The following STRADB variants were observed in gnomAD, a reference collection of about 807,000 sequenced individuals.
STRADB encodes STE20 related adaptor beta, also known as STE20-related kinase adapter protein beta.
A neutral mutation model predicts 52.1 loss-of-function variants in STRADB; 34 were observed. The observed-to-expected ratio is 0.65, with a 90% CI of 0.50 to 0.87. The LOEUF (loss-of-function observed/expected upper bound fraction) is 0.87. Ranked by LOEUF, STRADB falls within the 40% of genes least tolerant of loss-of-function variation. The pLI, the probability that STRADB is intolerant of heterozygous loss-of-function variation, is 0.00. For missense variants in STRADB, 340 were observed against 483.9 expected, an observed-to-expected ratio of 0.70 and a Z score of 2.79; for synonymous variants, 133 against 174.5, an observed-to-expected ratio of 0.76 and a Z score of 1.87.
Position 201,475,620 on chromosome 2 carries a change from T to G in STRADB, c.426T>G (p.Gly142=). The G allele has an allele frequency of 6.2e-7, 1 of 1,611,844 alleles. No individual in the cohort carries two copies. Among genetic ancestry groups the G allele is most frequent in the South Asian group, 1.1e-5 (1 of 90,948 alleles). The change falls in exon 7 of 12, where the codon GGT becomes GGG. Residue 142 remains glycine, a splice_region_variant and synonymous_variant. Coordinates refer to ENST00000194530, the MANE Select transcript of STRADB (RefSeq NM_018571.6). ...LWVISPFMAY[G]SASQLLRTYF... ...AAGGATTTTAGGGGTTTCTTTCAGG[T>G]TCAGCAAGTCAACTCTTGAGGACCT...
chr2:201,479,986 T>C (rs763030904), intron 11 of STRADB, 46 bp from the exon 12 acceptor site: 27 of 1,599,168 alleles, frequency 1.7e-5, no homozygotes, highest in Non-Finnish European at 2.1e-5. Flanking sequence ...AAAACTGATA[T>C]ATTGAAATGA....
chr2:201,480,054 C>T lies in STRADB; in HGVS notation c.1136C>T (p.Ser379Leu). 3 of 1,613,860 alleles carry T rather than the reference C, an allele frequency of 1.9e-6. No homozygotes were observed. Among genetic ancestry groups the T allele is most frequent in the Non-Finnish European group, 2.5e-6 (3 of 1,179,798 alleles). The change falls in exon 12 of 12, where the codon TCA becomes TTA. Residue 379 changes from serine to leucine, a missense_variant. Physicochemically the swap from Ser to Leu is moderately radical, Grantham distance 145. Transcript: ENST00000194530. ...CAGATGAAAGAAGAAAGCCAGGATTCAATACTTTCACTGTTGCCTCCTGCT... is the reference window on the plus strand; with the variant it reads ...CAGATGAAAGAAGAAAGCCAGGATTTAATACTTTCACTGTTGCCTCCTGCT... ...FKQMKEESQD[S>L]ILSLLPPAYN...
chr2:201,457,794 C>T (rs1490191970), intron 2 of STRADB, among the ~76,000 whole-genome samples: 2 of 152,046 alleles, frequency 1.3e-5, no homozygotes, highest in Admixed American at 1.3e-4. Context: ...CTGAGGTGGG[C>T]GGAACACTTG....
rs1265443638 is a variant in STRADB at position 201,480,588 on chromosome 2, A to G, written c.*413A>G. ...TTTTTAATGAGCTATTGTTAAACCA[A>G]CAGGCTAGTTTATCTTACATCAGAC... On this transcript the variant is annotated 3_prime_UTR_variant, in exon 12 of 12. Transcript: ENST00000194530. 2 of 997,728 alleles carry G rather than the reference A, an allele frequency of 2.0e-6. No homozygotes were observed. The highest frequency in any genetic ancestry group is 3.5e-5 in the African/African-American group (2 of 57,368). 61.8% of individuals were successfully genotyped at this position (997,728 alleles called of 1,614,324 possible). A position where few individuals can be genotyped will look rare whatever the true frequency, so the allele number is the denominator to read the frequency against.
At chr2:201,469,723 A>G (rs980730031) in intron 3 of STRADB, among the ~76,000 whole-genome samples, 4 of 152,162 alleles carry the variant, frequency 2.6e-5, no homozygotes, top group African/African-American at 9.7e-5. Flanking sequence ...ATTCCTTGCT[A>G]TCTGTAAATC....
At chr2:201,477,488 G>T in intron 7 of STRADB, 131 bp from the exon 8 acceptor site, 2 of 854,032 alleles carry the variant, frequency 2.3e-6, no homozygotes, top group Non-Finnish European at 3.6e-6. Context: ...GTACTGTTTT[G>T]CAGTTTATAC....
At chr2:201,458,727 AC>A (rs1156286962) in intron 2 of STRADB, 56 bp from the exon 3 acceptor site, 2 of 1,506,678 alleles carry the variant, frequency 1.3e-6, no homozygotes, top group African/African-American at 1.4e-5. Flanking sequence ...TCTACATACC[AC>A]CCCTGCTTAT....
intron 3 of STRADB, among the ~76,000 whole-genome samples, chr2:201,463,227 C>T (rs1377906572): frequency 2.0e-5 from 3 of 149,618 alleles, no homozygotes; most frequent in Non-Finnish European, 4.4e-5. Context: ...ATCCCGCCTA[C>T]TTGGGAGGCT....
Position 201,470,047 on chromosome 2 carries a change from A to C in STRADB, c.188A>C (p.Glu63Ala). The change falls in exon 4 of 12, where the codon GAA (glutamate) becomes GCA (alanine). Residue 63 changes from glutamate to alanine, a missense_variant. Physicochemically the swap from Glu to Ala is moderately radical, Grantham distance 107. Transcript: ENST00000194530. ...TNVSHYELQVEIGRGFDNLTS... is the reference protein window; with the variant it reads ...TNVSHYELQVAIGRGFDNLTS... ...GTTTCTCACTATGAGCTCCAAGTAG[A>C]AATAGGTAATAATCCTGAATTTCTA... 1.2e-6 allele frequency: 2 copies of C among 1,608,490 alleles called. No individual in the cohort carries two copies. Among genetic ancestry groups the C allele is most frequent in the Non-Finnish European group, 1.7e-6 (2 of 1,174,870 alleles).
At chr2:201,455,185 T>G (rs936131001) in intron 2 of STRADB, among the ~76,000 whole-genome samples, 2 of 152,182 alleles carry the variant, frequency 1.3e-5, no homozygotes, top group Non-Finnish European at 2.9e-5. Flanking sequence ...TTTTACAAAT[T>G]TCCATCTGAC....
intron 7 of STRADB, among the ~76,000 whole-genome samples, 162 bp downstream of exon 7, chr2:201,475,904 A>G (rs1952464002): frequency 6.6e-6 from 1 of 152,160 alleles, no homozygotes. Flanking sequence ...GATTGCTTAC[A>G]TTTTATGTCC....
Position 201,475,600 on chromosome 2 carries a change from T to C in STRADB, c.425-19T>C. The C allele has an allele frequency of 1.2e-6, 2 of 1,611,574 alleles. No homozygotes were observed. Among genetic ancestry groups the C allele is most frequent in the Non-Finnish European group, 1.7e-6 (2 of 1,179,672 alleles). On this transcript the variant is annotated intron_variant, in intron 6 of 11. Coordinates refer to ENST00000194530, the MANE Select transcript of STRADB (RefSeq NM_018571.6). ...ATCACTTTCAATGTTCATCTAAGGA[T>C]TTTAGGGGTTTCTTTCAGGTTCAGC...
At chr2:201,478,040 G>T in intron 8 of STRADB, 47 bp from the exon 9 acceptor site, 1 of 1,508,036 alleles carries the variant, frequency 6.6e-7, no homozygotes, top group Non-Finnish European at 9.0e-7. Context: ...ATAACTTTTG[G>T]TTAACTTATT....
In STRADB at chr2:201,469,996, C is replaced by G. The variant is rs1207032976; in HGVS notation, c.137C>G (p.Ala46Gly). ...TCCTGGTCACGTCCATCCACTAGAGCCAGTGAAGTACTATGTTCCACCAAC... is the reference window on the plus strand; with the variant it reads ...TCCTGGTCACGTCCATCCACTAGAGGCAGTGAAGTACTATGTTCCACCAAC... ...TLSWSRPSTR[A>G]SEVLCSTNVS... is the part of the protein sequence containing the mutation. The change falls in exon 4 of 12, where the codon GCC (alanine) becomes GGC (glycine). Residue 46 changes from alanine (A) to glycine (G), a missense_variant. Coordinates refer to ENST00000194530, the MANE Select transcript of STRADB (RefSeq NM_018571.6). 1.2e-6 allele frequency: 2 copies of G among 1,613,870 alleles called. No homozygotes were observed. The highest frequency in any genetic ancestry group is 1.7e-6 in the Non-Finnish European group (2 of 1,179,964).
At chr2:201,479,907 A>C (rs1477952515) in intron 11 of STRADB, 125 bp from the exon 12 acceptor site, 12 of 1,189,542 alleles carry the variant, frequency 1.0e-5, no homozygotes, top group Non-Finnish European at 1.3e-5. Context: ...AGGCAGTTTT[A>C]GGGGAAATAC....
Position 201,478,565 on chromosome 2 carries a change from T to G in STRADB, c.1034T>G (p.Leu345Trp), listed in dbSNP as rs758953030. ...ACTTTCTCTCCTGCCTTCTTTAGCT[T>G]GGTACAGCTCTGTTTGCAACAAGAT... is the stretch of plus-strand genomic sequence containing the variant. ...SKTFSPAFFS[L>W]VQLCLQQDPE... The change falls in exon 10 of 12, where the codon TTG (leucine) becomes TGG (tryptophan). Residue 345 changes from leucine (L) to tryptophan (W), a missense_variant. By Grantham distance (61) the Leu-to-Trp change is moderately conservative (BLOSUM62 -2). Coordinates refer to ENST00000194530, the MANE Select transcript of STRADB (RefSeq NM_018571.6). 4 of 1,614,006 alleles carry G rather than the reference T, an allele frequency of 2.5e-6. No individual in the cohort carries two copies. The highest frequency in any genetic ancestry group is 3.4e-6 in the Non-Finnish European group (4 of 1,179,998).
chr2:201,460,247 A>C (rs1952192892), intron 3 of STRADB, among the ~76,000 whole-genome samples: 1 of 152,160 alleles, frequency 6.6e-6, no homozygotes, highest in Non-Finnish European at 1.5e-5. Flanking sequence ...TTTTAAAAAA[A>C]AATTTGGAGT....
intron 3 of STRADB, among the ~76,000 whole-genome samples, chr2:201,466,243 G>A (rs1272613085): frequency 6.6e-6 from 1 of 152,200 alleles, no homozygotes; most frequent in Non-Finnish European, 1.5e-5. Context: ...CTGTTACTGA[G>A]AGAGAGGCCT....
At chr2:201,468,508 A>G (rs1017608868) in intron 3 of STRADB, among the ~76,000 whole-genome samples, 3 of 152,124 alleles carry the variant, frequency 2.0e-5, no homozygotes, top group Non-Finnish European at 4.4e-5. Flanking sequence ...CAAACTTCGT[A>G]TCCTAAGTGT....
Sources: gnomAD v4.1 joint callset for allele counts (sites outside exome capture counted in the v4.1 genomes callset) on GRCh38, gnomAD v4.1.1 for gene constraint, MANE v1.5 for transcripts, NCBI Gene and HGNC (gene_info 2026-07-23, HGNC 2026-07-21) for gene names.